The following SPAG16 variants were observed in gnomAD, a reference collection of about 807,000 sequenced individuals.
SPAG16 encodes the protein sperm-associated antigen 16 protein.
A neutral mutation model predicts 80.4 loss-of-function variants in SPAG16; 86 were observed. That is an observed-to-expected ratio of 1.07 (90% CI 0.90 to 1.28). The LOEUF (loss-of-function observed/expected upper bound fraction) is 1.28, where lower values mean the gene tolerates loss of function less well. Ranked by LOEUF, SPAG16 falls within the 50% of genes most tolerant of loss-of-function variation. The pLI, the probability that SPAG16 is intolerant of heterozygous loss-of-function variation, is 0.00. For missense variants in SPAG16, 870 were observed against 765.3 expected (o/e 1.14, Z -1.61); for synonymous variants, 294 against 265.9 (o/e 1.11, Z -1.03).
At chr2:213,913,613 AT>A in intron 11 of SPAG16, among the ~76,000 whole-genome samples, 2 of 8,576 alleles carry the variant, frequency 2.3e-4, no homozygotes, top group Admixed American at 2.0e-3. Context: ...ACATGTACAT[AT>A]ATGTATATGT....
At chr2:214,078,597 A>G (rs2051204209) in intron 13 of SPAG16, among the ~76,000 whole-genome samples, 1 of 151,794 alleles carries the variant, frequency 6.6e-6, no homozygotes, top group African/African-American at 2.4e-5. Context: ...CTTAATTGCA[A>G]TTATCAATGC....
chr2:214,331,160 G>A (rs1382570820), intron 15 of SPAG16, among the ~76,000 whole-genome samples: 1 of 152,174 alleles, frequency 6.6e-6, no homozygotes, highest in African/African-American at 2.4e-5. Flanking sequence ...TCAGGCTACA[G>A]TAGCATTGCT....
At chr2:213,373,449 C>T (rs185195478) in intron 8 of SPAG16, among the ~76,000 whole-genome samples, 130 of 152,164 alleles carry the variant, frequency 8.5e-4, no homozygotes, top group Admixed American at 8.5e-3. Flanking sequence ...TGAATACTGT[C>T]CTAAAATTTT....
chr2:213,423,614 A>T (rs2069732541), intron 9 of SPAG16, among the ~76,000 whole-genome samples: 1 of 152,202 alleles, frequency 6.6e-6, no homozygotes, highest in South Asian at 2.1e-4. Context: ...TGTTTCAACT[A>T]TTAGCTGTTA....
chr2:214,000,731 A>G (rs931721899), intron 12 of SPAG16, among the ~76,000 whole-genome samples: 2 of 152,176 alleles, frequency 1.3e-5, no homozygotes, highest in African/African-American at 2.4e-5. Context: ...TGTGATAGTG[A>G]TGTGTGTTGT....
chr2:213,555,176 A>G (rs2059388721), intron 10 of SPAG16, among the ~76,000 whole-genome samples: 1 of 152,212 alleles, frequency 6.6e-6, no homozygotes, highest in Non-Finnish European at 1.5e-5. Context: ...ACTAAATGGT[A>G]TGATATATTC....
At chr2:213,918,082 T>C (rs1353097907) in intron 11 of SPAG16, among the ~76,000 whole-genome samples, 1 of 152,204 alleles carries the variant, frequency 6.6e-6, no homozygotes, top group Non-Finnish European at 1.5e-5. Context: ...TATTGATTTG[T>C]GTATGTTCAA....
At chr2:213,327,199 G>A (rs2063881501) in intron 5 of SPAG16, among the ~76,000 whole-genome samples, 4 of 150,916 alleles carry the variant, frequency 2.7e-5, no homozygotes, top group Admixed American at 2.6e-4. Context: ...CTCTACTAAT[G>A]TGATGAGGAA....
intron 10 of SPAG16, among the ~76,000 whole-genome samples, chr2:213,660,135 A>G (rs1446019452): frequency 1.3e-5 from 2 of 152,262 alleles, no homozygotes; most frequent in Non-Finnish European, 2.9e-5. Flanking sequence ...ATAACACAGC[A>G]AAGAAATATG....
chr2:214,322,767 T>A (rs1696190364), intron 15 of SPAG16, among the ~76,000 whole-genome samples: 1 of 152,126 alleles, frequency 6.6e-6, no homozygotes, highest in African/African-American at 2.4e-5. Flanking sequence ...TAGTTACTTC[T>A]CCAGGGAAGA....
intron 11 of SPAG16, among the ~76,000 whole-genome samples, chr2:213,872,902 AC>A (rs2076006362): frequency 6.6e-6 from 1 of 152,044 alleles, no homozygotes; most frequent in African/African-American, 2.4e-5. Context: ...TGTATGTTGA[AC>A]CAACCTTGCA....
chr2:214,375,999 G>A (rs185020813), intron 15 of SPAG16, among the ~76,000 whole-genome samples: 163 of 151,972 alleles, frequency 1.1e-3, no homozygotes, highest in Middle Eastern at 3.4e-3. Context: ...GTGATCTTAA[G>A]ATCTATATGC....
intron 10 of SPAG16, among the ~76,000 whole-genome samples, chr2:213,749,899 T>C (rs1446061625): frequency 6.6e-6 from 1 of 152,202 alleles, no homozygotes; most frequent in Non-Finnish European, 1.5e-5. Context: ...TCAATAAATG[T>C]GTTTTATTTT....
intron 15 of SPAG16, among the ~76,000 whole-genome samples, chr2:214,303,613 T>C (rs1373519437): frequency 6.6e-6 from 1 of 152,174 alleles, no homozygotes; most frequent in East Asian, 1.9e-4. Flanking sequence ...ATGTTCAACT[T>C]GTATAGTATC....
At chr2:214,041,516 T>A (rs892747609) in intron 13 of SPAG16, among the ~76,000 whole-genome samples, 27 of 151,910 alleles carry the variant, frequency 1.8e-4, no homozygotes, top group Admixed American at 1.6e-3. Flanking sequence ...AAGCATAGTT[T>A]CATTACAAAG....
At position 214,014,130 on chromosome 2, in the gene SPAG16, C is replaced by T. The variant is rs529028744; in HGVS notation, c.1527+53C>T. 8.8e-5 allele frequency: 141 copies of T among 1,597,730 alleles called. 2 individuals carry two copies. The highest frequency in any genetic ancestry group is 5.7e-4 in the South Asian group (51 of 89,848). The stretch of plus-strand genomic sequence containing the variant: ...AGCTTTTGATAAGTCTGATTACTCT[C>T]GGTCATTCTTTGGGTATGGAATATG... On this transcript the variant is annotated intron_variant, in intron 13 of 15. Transcript: ENST00000331683.
rs5838381 is a variant in SPAG16 at position 213,417,876 on chromosome 2, A to ATTT, written c.942+42769_942+42771dup. The stretch of plus-strand genomic sequence containing the variant: ...AAATTTAGAAATTTATTGTGTTTCA[A>ATTT]TTTTTTTTTTTTTTGAGACAGTTTT... On this transcript the variant is annotated intron_variant, in intron 9 of 15. Transcript: ENST00000331683. 1.6e-3 allele frequency among the ~76,000 whole-genome samples: 238 copies of ATTT among 146,624 alleles called. 1 individual carries two copies. Among genetic ancestry groups the ATTT allele is most frequent in the African/African-American group, 5.7e-3 (226 of 39,780 alleles).
intron 9 of SPAG16, among the ~76,000 whole-genome samples, chr2:213,460,845 G>T (rs1461286296): frequency 6.6e-6 from 1 of 152,104 alleles, no homozygotes; most frequent in Admixed American, 6.6e-5. Context: ...GTGCAAAAAT[G>T]AATAATGTTT....
intron 15 of SPAG16, among the ~76,000 whole-genome samples, chr2:214,231,211 T>G (rs1452743344): frequency 6.6e-6 from 1 of 151,992 alleles, no homozygotes; most frequent in Non-Finnish European, 1.5e-5. Flanking sequence ...TGCTATTTAT[T>G]GACTAAAATA....
Sources: gnomAD v4.1 joint callset for allele counts (sites outside exome capture counted in the v4.1 genomes callset) on GRCh38, gnomAD v4.1.1 for gene constraint, MANE v1.5 for transcripts, NCBI Gene and HGNC (gene_info 2026-07-23, HGNC 2026-07-21) for gene names.